The following STIM1 variants were observed in gnomAD, a reference collection of about 807,000 sequenced individuals.
STIM1 encodes the protein stromal interaction molecule 1.
STIM1 carries 25 observed loss-of-function variants against 74.7 expected under a neutral mutation model. The observed-to-expected ratio is 0.33, with a 90% CI of 0.24 to 0.47. The LOEUF (loss-of-function observed/expected upper bound fraction) is 0.47. Among genes scored for constraint, STIM1 ranks in the 20% least tolerant of loss-of-function variants. STIM1 has a pLI of 1.00. For synonymous variants in STIM1, 328 were observed against 348.8 expected, an observed-to-expected ratio of 0.94 and a Z score of 0.66; for missense variants, 728 against 920.8, an observed-to-expected ratio of 0.79 and a Z score of 2.71.
At chr11:3,901,501 G>A (rs1270152834) in intron 1 of STIM1, among the ~76,000 whole-genome samples, 3 of 152,134 alleles carry the variant, frequency 2.0e-5, no homozygotes, top group Non-Finnish European at 4.4e-5. Flanking sequence ...TAGTTGACAA[G>A]GTACCTCCAT....
intron 2 of STIM1, among the ~76,000 whole-genome samples, chr11:4,007,697 A>G (rs2093796219): frequency 6.6e-6 from 1 of 152,222 alleles, no homozygotes; most frequent in Admixed American, 6.5e-5. Context: ...ATCTCAATTA[A>G]TATCTGAATT....
chr11:4,064,764 A>G (rs545594236), intron 5 of STIM1, among the ~76,000 whole-genome samples: 1 of 152,190 alleles, frequency 6.6e-6, no homozygotes, highest in African/African-American at 2.4e-5. Flanking sequence ...GGCATGCTTA[A>G]TCCTCCCCAT....
chr11:3,900,360 G>A (rs1031882217), intron 1 of STIM1, among the ~76,000 whole-genome samples: 2 of 152,186 alleles, frequency 1.3e-5, no homozygotes, highest in African/African-American at 4.8e-5. Context: ...GACTAGGAAA[G>A]GGAACTCCCT....
At chr11:3,895,181 G>A (rs528719579) in intron 1 of STIM1, among the ~76,000 whole-genome samples, 25 of 152,286 alleles carry the variant, frequency 1.6e-4, no homozygotes, top group African/African-American at 4.3e-4. Context: ...TCTAGCCTTT[G>A]TGGAGGTCAC....
Position 3,975,594 on chromosome 11 carries a change from G to A in STIM1, c.270+7912G>A, listed in dbSNP as rs140219400. 3.3e-5 allele frequency among the ~76,000 whole-genome samples: 5 copies of A among 151,966 alleles called. No individual in the cohort carries two copies. In the East Asian group the frequency reaches 7.7e-4, roughly 23 times the overall value. ...GATCGCACCACTGCATTCCAGATTGGGCAACAAAGTGAGACTCTGCCTCAA... is the reference window on the plus strand; with the variant it reads ...GATCGCACCACTGCATTCCAGATTGAGCAACAAAGTGAGACTCTGCCTCAA... On this transcript the variant is annotated intron_variant, in intron 2 of 12. Transcript: ENST00000526596.
intron 1 of STIM1, among the ~76,000 whole-genome samples, chr11:3,937,307 A>ATAATAATAATAATAC (rs1406694648): frequency 6.8e-6 from 1 of 147,488 alleles, no homozygotes; most frequent in Non-Finnish European, 1.5e-5. Context: ...AATAATAATA[A>ATAATAATAATAATAC]TAATAATAAT....
At chr11:3,959,013 C>T (rs1173744750) in intron 1 of STIM1, among the ~76,000 whole-genome samples, 1 of 151,522 alleles carries the variant, frequency 6.6e-6, no homozygotes, top group Non-Finnish European at 1.5e-5. Context: ...TCCTCCCTCA[C>T]CTCATCCCCA....
chr11:4,084,326 GCTTA>G (rs2094480867), intron 10 of STIM1, among the ~76,000 whole-genome samples: 1 of 152,214 alleles, frequency 6.6e-6, no homozygotes, highest in East Asian at 1.9e-4. Flanking sequence ...TGGGTTAGGG[GCTTA>G]CTTTCAGATT....
intron 1 of STIM1, among the ~76,000 whole-genome samples, chr11:3,947,178 C>T (rs1052252810): frequency 6.0e-5 from 9 of 149,876 alleles, no homozygotes; most frequent in African/African-American, 2.2e-4. Flanking sequence ...GGACAGGAAA[C>T]CCTTGAACAC....
intron 3 of STIM1, among the ~76,000 whole-genome samples, chr11:4,052,971 C>T (rs906650331): frequency 4.6e-5 from 7 of 152,212 alleles, no homozygotes; most frequent in Admixed American, 4.6e-4. Context: ...CCAACAGACA[C>T]ATGGAAAAAT....
chr11:3,997,860 A>G (rs1192170587), intron 2 of STIM1, among the ~76,000 whole-genome samples: 2 of 152,236 alleles, frequency 1.3e-5, no homozygotes, highest in African/African-American at 4.8e-5. Flanking sequence ...AAAGCTTTCA[A>G]AGAATCATAG....
At chr11:4,067,504 A>G (rs1162501097) in intron 5 of STIM1, among the ~76,000 whole-genome samples, 1 of 152,232 alleles carries the variant, frequency 6.6e-6, no homozygotes, top group African/African-American at 2.4e-5. Context: ...CTCCATTGTA[A>G]GAGATGTTTG....
intron 2 of STIM1, among the ~76,000 whole-genome samples, chr11:4,012,153 A>G (rs2093843718): frequency 6.6e-6 from 1 of 152,200 alleles, no homozygotes; most frequent in South Asian, 2.1e-4. Context: ...GAAGTCAGGT[A>G]GTGTGATGCC....
chr11:4,032,653 G>A (rs1590662134), intron 3 of STIM1, among the ~76,000 whole-genome samples: 2 of 152,236 alleles, frequency 1.3e-5, no homozygotes, highest in East Asian at 3.9e-4. Flanking sequence ...CATAAACAAA[G>A]TACATCTCTC....
At chr11:4,042,204 G>C (rs1047104235) in intron 3 of STIM1, among the ~76,000 whole-genome samples, 7 of 152,224 alleles carry the variant, frequency 4.6e-5, no homozygotes, top group Non-Finnish European at 7.3e-5. Flanking sequence ...TATAGCTCAA[G>C]TGCTAGGGAG....
rs10742229 is a variant in STIM1 at position 4,069,075 on chromosome 11, A to T, written c.614-951A>T. Reference sequence around the variant, plus strand: ...CCAGGGCTCCTCTGAGCCCACAGCAAAACCTAGACAGAGGATGCAGGAGTA... The same window carrying T: ...CCAGGGCTCCTCTGAGCCCACAGCATAACCTAGACAGAGGATGCAGGAGTA... On this transcript the variant is annotated intron_variant, in intron 5 of 12. Transcript: ENST00000526596. 1.4e-3 allele frequency among the ~76,000 whole-genome samples: 211 copies of T among 152,146 alleles called. 1 individual carries two copies. Among genetic ancestry groups the T allele is most frequent in the Middle Eastern group, 3.4e-3 (1 of 294 alleles).
intron 2 of STIM1, among the ~76,000 whole-genome samples, chr11:4,015,734 T>C (rs2093889956): frequency 1.3e-5 from 2 of 152,208 alleles, no homozygotes; most frequent in African/African-American, 4.8e-5. Flanking sequence ...TTGGAAGCTT[T>C]GTTCGTTTCT....
chr11:4,050,793 C>G (rs1349200224), intron 3 of STIM1, among the ~76,000 whole-genome samples: 2 of 152,120 alleles, frequency 1.3e-5, no homozygotes, highest in African/African-American at 4.8e-5. Flanking sequence ...ATAACATAAA[C>G]AGCCTATTAA....
At chr11:3,919,483 G>A (rs1161161088) in intron 1 of STIM1, among the ~76,000 whole-genome samples, 1 of 152,166 alleles carries the variant, frequency 6.6e-6, no homozygotes, top group Non-Finnish European at 1.5e-5. Flanking sequence ...GGGATTACAG[G>A]TGTGAGCCAC....
Sources: gnomAD v4.1 joint callset for allele counts (sites outside exome capture counted in the v4.1 genomes callset) on GRCh38, gnomAD v4.1.1 for gene constraint, MANE v1.5 for transcripts, NCBI Gene and HGNC (gene_info 2026-07-23, HGNC 2026-07-21) for gene names.